IMMP2L: variants seen among roughly 807,000 people sequenced by gnomAD.
The protein encoded by IMMP2L is mitochondrial inner membrane protease subunit 2.
Under a neutral mutation model 19.3 loss-of-function variants are expected in IMMP2L, and 18 were observed. The observed-to-expected ratio is 0.93, with a 90% confidence interval of 0.64 to 1.38. IMMP2L has a LOEUF of 1.38. Ranked by LOEUF, IMMP2L falls within the 40% of genes most tolerant of loss-of-function variation. The probability of loss-of-function intolerance (pLI) is 0.00; values close to 1 mark genes in which losing one functional copy is unlikely to be tolerated. For synonymous variants in IMMP2L, 76 were observed against 73.0 expected (o/e 1.04, Z -0.21); for missense variants, 233 against 218.2 (o/e 1.07, Z -0.43).
chr7:110,804,600 C>T (rs1013938), intron 5 of IMMP2L, among the ~76,000 whole-genome samples: 47,598 of 151,906 alleles, frequency 0.31, 9,367 homozygotes, highest in East Asian at 0.68. Flanking sequence ...GACTACATTT[C>T]CCAGACTTCC....
chr7:111,203,487 G>A (rs1422156545), intron 3 of IMMP2L, among the ~76,000 whole-genome samples: 1 of 151,620 alleles, frequency 6.6e-6, no homozygotes, highest in Non-Finnish European at 1.5e-5. Context: ...GAAAATATAA[G>A]GCATAGGTTT....
chr7:111,422,950 G>A (rs561651462), intron 3 of IMMP2L, among the ~76,000 whole-genome samples: 1 of 151,896 alleles, frequency 6.6e-6, no homozygotes, highest in African/African-American at 2.4e-5. Context: ...TTTGTCAAAG[G>A]CCTTTTCTGC....
At chr7:110,782,564 T>C (rs1222461799) in intron 5 of IMMP2L, among the ~76,000 whole-genome samples, 1 of 151,858 alleles carries the variant, frequency 6.6e-6, no homozygotes, top group Non-Finnish European at 1.5e-5. Flanking sequence ...GTCAAGCAGT[T>C]TGACACAGTA....
At chr7:110,789,814 G>C (rs1343304044) in intron 5 of IMMP2L, among the ~76,000 whole-genome samples, 1 of 151,470 alleles carries the variant, frequency 6.6e-6, no homozygotes, top group Non-Finnish European at 1.5e-5. Context: ...ATACCTCAGG[G>C]CCTTTGCATT....
intron 3 of IMMP2L, among the ~76,000 whole-genome samples, chr7:110,975,450 CT>C (rs2074176770): frequency 6.6e-6 from 1 of 152,136 alleles, no homozygotes; most frequent in African/African-American, 2.4e-5. Flanking sequence ...TAATTATTTG[CT>C]GTTTTGAATG....
chr7:111,092,929 A>T (rs2129578121), intron 3 of IMMP2L, among the ~76,000 whole-genome samples: 1 of 152,196 alleles, frequency 6.6e-6, no homozygotes, highest in Non-Finnish European at 1.5e-5. Flanking sequence ...ACTGTGGGTT[A>T]TTTTTTTCCA....
chr7:111,220,425 G>C (rs1279639826), intron 3 of IMMP2L, among the ~76,000 whole-genome samples: 2 of 151,934 alleles, frequency 1.3e-5, no homozygotes, highest in African/African-American at 4.8e-5. Flanking sequence ...AAAAGATTTG[G>C]AGGCATAAAA....
intron 4 of IMMP2L, among the ~76,000 whole-genome samples, chr7:110,937,574 T>C (rs558580090): frequency 1.3e-5 from 2 of 152,288 alleles, no homozygotes; most frequent in Non-Finnish European, 2.9e-5. Context: ...ATTGCTTATA[T>C]TTCATGATTT....
chr7:110,828,990 T>A (rs999715035), intron 5 of IMMP2L, among the ~76,000 whole-genome samples: 2 of 152,200 alleles, frequency 1.3e-5, no homozygotes, highest in Non-Finnish European at 2.9e-5. Flanking sequence ...TTATTGCTAA[T>A]AACAATGTTA....
intron 3 of IMMP2L, among the ~76,000 whole-genome samples, chr7:111,187,506 T>G (rs773283058): frequency 2.6e-5 from 4 of 152,134 alleles, no homozygotes; most frequent in Non-Finnish European, 5.9e-5. Context: ...TTCAAACCAC[T>G]ATATTATAGT....
chr7:111,172,944 T>C (rs896556945), intron 3 of IMMP2L, among the ~76,000 whole-genome samples: 2 of 151,674 alleles, frequency 1.3e-5, no homozygotes, highest in Non-Finnish European at 3.0e-5. Flanking sequence ...ATCTATGTAA[T>C]AGAACTACTA....
At chr7:110,777,211 C>T (rs570874416) in intron 5 of IMMP2L, among the ~76,000 whole-genome samples, 1 of 151,926 alleles carries the variant, frequency 6.6e-6, no homozygotes, top group Non-Finnish European at 1.5e-5. Flanking sequence ...GTGCAACTAC[C>T]ACAGGAGCCC....
At chr7:111,128,095 G>T (rs900942463) in intron 3 of IMMP2L, among the ~76,000 whole-genome samples, 14 of 151,950 alleles carry the variant, frequency 9.2e-5, no homozygotes, top group Non-Finnish European at 8.8e-5. Context: ...ATTCTAATTA[G>T]ACAAAAAGTT....
At chr7:110,976,942 A>C in intron 3 of IMMP2L, among the ~76,000 whole-genome samples, 1 of 152,076 alleles carries the variant, frequency 6.6e-6, no homozygotes, top group East Asian at 1.9e-4. Context: ...CTAATTCCAT[A>C]TTTAATATAA....
At chr7:111,519,845 TAGCAAGAC>T (rs1846184089) in intron 2 of IMMP2L, among the ~76,000 whole-genome samples, 1 of 152,044 alleles carries the variant, frequency 6.6e-6, no homozygotes, top group African/African-American at 2.4e-5. Context: ...GATAGCTGTA[TAGCAAGAC>T]AGCAGTAACA....
chr7:111,060,094 A>G (rs1351013425), intron 3 of IMMP2L, among the ~76,000 whole-genome samples: 1 of 152,174 alleles, frequency 6.6e-6, no homozygotes. Context: ...TTATTTTTGT[A>G]AGCAGCAGTG....
intron 5 of IMMP2L, among the ~76,000 whole-genome samples, chr7:110,814,450 TA>T (rs1802301671): frequency 1.3e-5 from 2 of 150,444 alleles, no homozygotes; most frequent in Admixed American, 6.6e-5. Flanking sequence ...AACTATATAG[TA>T]AAAAAGCATT....
At chr7:111,407,074 G>A (rs1242863816) in intron 3 of IMMP2L, among the ~76,000 whole-genome samples, 1 of 151,938 alleles carries the variant, frequency 6.6e-6, no homozygotes, top group African/African-American at 2.4e-5. Flanking sequence ...ATGTGTTTTA[G>A]GGAAATGCAA....
rs762663222 is a variant in IMMP2L, at chr7:110,870,929, C to T, written c.408+15664G>A. Among the ~76,000 whole-genome samples the T allele has an allele frequency of 3.3e-5, 5 of 152,034 alleles. No homozygotes were observed. The highest frequency in any genetic ancestry group is 1.9e-4 in the East Asian group (1 of 5,170). ...AAGATAACTGCAGCTGCCACAGAGA[C>T]GCTGACGTTTAGAAGATGAAGAGGG... On this transcript the variant is annotated intron_variant, in intron 5 of 5. Coordinates refer to ENST00000405709, the MANE Select transcript of IMMP2L (RefSeq NM_032549.4). This position sits in a 1 kb window ranked among gnomAD's most constrained non-coding sequence, Gnocchi z 4.2.
Sources: allele counts gnomAD v4.1 joint callset (sites outside exome capture counted in the v4.1 genomes callset), GRCh38; gene constraint gnomAD v4.1.1; non-coding constraint Gnocchi (gnomAD v3.1); transcripts MANE v1.5; gene names NCBI Gene and HGNC (gene_info 2026-07-23, HGNC 2026-07-21).